The following C9orf72 variants were observed in gnomAD, a reference collection of about 807,000 sequenced individuals.
C9orf72 encodes C9orf72-SMCR8 complex subunit, also known as guanine nucleotide exchange factor C9orf72.
C9orf72 carries 44 observed loss-of-function variants against 51.6 expected under a neutral mutation model. The observed-to-expected ratio is 0.85, with a 90% CI of 0.67 to 1.10. The LOEUF (loss-of-function observed/expected upper bound fraction) is 1.10. Ranked by LOEUF, C9orf72 falls within the 50% of genes least tolerant of loss-of-function variation. The pLI, the probability that C9orf72 is intolerant of heterozygous loss-of-function variation, is 0.00. For missense variants in C9orf72, 607 were observed against 570.6 expected (o/e 1.06, Z -0.65); for synonymous variants, 213 against 194.2 (o/e 1.10, Z -0.81).
chr9:27,554,503 G>A (rs1820971165), intron 8 of C9orf72: 1 of 397,940 alleles, frequency 2.5e-6, no homozygotes. Flanking sequence ...GGAGAAGGGT[G>A]AGGATCAAAA....
At chr9:27,569,557 C>G (rs1416051130) in intron 1 of C9orf72, among the ~76,000 whole-genome samples, 1 of 152,160 alleles carries the variant, frequency 6.6e-6, no homozygotes, top group Non-Finnish European at 1.5e-5. Context: ...GGCCTAGGAG[C>G]AACAGACTAT....
intron 3 of C9orf72, among the ~76,000 whole-genome samples, chr9:27,564,446 C>A (rs925916181): frequency 2.6e-5 from 4 of 152,134 alleles, no homozygotes; most frequent in African/African-American, 9.7e-5. Context: ...CTACTAATAA[C>A]TAGTGGGTTA....
chr9:27,546,892 G>A lies in C9orf72; in HGVS notation c.*1344C>T, dbSNP rs13691. On this transcript the variant is annotated 3_prime_UTR_variant, in exon 11 of 11. Coordinates refer to ENST00000380003, the MANE Select transcript of C9orf72 (RefSeq NM_018325.5). ...CTTTCACATTCGAACATGTCATTTTGTTGTGTAAATTTGGTGGGTGGGGGG... is the reference window on the plus strand; with the variant it reads ...CTTTCACATTCGAACATGTCATTTTATTGTGTAAATTTGGTGGGTGGGGGG... 34,011 of 152,000 alleles carry A rather than the reference G, an allele frequency of 0.22. 4,677 individuals are homozygous for A. Among genetic ancestry groups the A allele is most frequent in the East Asian group, 0.48 (2,491 of 5,180 alleles). The allele number at this position is 152,000 out of a possible 1,614,324, so 9.4% of individuals were successfully genotyped here. A position where few individuals can be genotyped will look rare whatever the true frequency, so the allele number is the denominator to read the frequency against.
Position 27,546,641 on chromosome 9 carries a change from A to G in C9orf72, c.*1595T>C, listed in dbSNP as rs1316523642. The G allele has an allele frequency of 5.3e-5, 8 of 152,210 alleles. No homozygotes were observed. Among genetic ancestry groups the G allele is most frequent in the Non-Finnish European group, 1.0e-4 (7 of 68,020 alleles). The allele number at this position is 152,210 out of a possible 1,614,324, so 9.4% of individuals were successfully genotyped here. A position where few individuals can be genotyped will look rare whatever the true frequency, so the allele number is the denominator to read the frequency against. ...CTTTAATAACTTATTTCACTGTACA[A>G]CTTACATTCTGTATAACAGTACAAT... On this transcript the variant is annotated 3_prime_UTR_variant, in exon 11 of 11. Coordinates refer to ENST00000380003, the MANE Select transcript of C9orf72 (RefSeq NM_018325.5).
chr9:27,560,277 T>C lies in C9orf72; in HGVS notation c.688A>G (p.Thr230Ala), dbSNP rs1819306672. ...CCTACTACAACGGAACAGCCACAGG[T>C]TTGCAAGTGTGAGCTGATGGCACTG... ...LLNAISSHLQ[T>A]CGCSVVVGSS... Residue 230 changes from threonine to alanine, a missense_variant, in exon 6 of 11, where the codon ACC becomes GCC. By Grantham distance (58) the Thr-to-Ala change is moderately conservative. Coordinates refer to ENST00000380003, the MANE Select transcript of C9orf72 (RefSeq NM_018325.5). 1 of 1,610,310 alleles carries C rather than the reference T, an allele frequency of 6.2e-7. No homozygotes were observed. Among genetic ancestry groups the C allele is most frequent in the Non-Finnish European group, 8.5e-7 (1 of 1,177,966 alleles).
Position 27,562,332 on chromosome 9 carries a change from T to C in C9orf72, c.600+49A>G, listed in dbSNP as rs1587313804. 5.8e-6 allele frequency: 5 copies of C among 864,646 alleles called. No individual in the cohort carries two copies. In the East Asian group the frequency reaches 1.3e-4, roughly 23 times the overall value. 53.6% of individuals were successfully genotyped at this position (864,646 alleles called of 1,614,324 possible). A position where few individuals can be genotyped will look rare whatever the true frequency, so the allele number is the denominator to read the frequency against. ...ATTAATAATATACATAATAATACTA[T>C]AACCCCAAAAAACTCATAAAGTGTA... On this transcript the variant is annotated intron_variant, in intron 4 of 10. Transcript: ENST00000380003.
intron 9 of C9orf72, among the ~76,000 whole-genome samples, chr9:27,549,776 C>CA (rs35362390): frequency 0.25 from 34,063 of 136,542 alleles, 4,130 homozygotes; most frequent in Non-Finnish European, 0.28. Flanking sequence ...CTCCCTTTCT[C>CA]AAAAAAAAAA....
chr9:27,550,683 G>C lies in C9orf72; in HGVS notation c.1116C>G (p.His372Gln), dbSNP rs148034295. The C allele has an allele frequency of 3.2e-6, 5 of 1,586,192 alleles. No homozygotes were observed. Among genetic ancestry groups the C allele is most frequent in the Non-Finnish European group, 4.3e-6 (5 of 1,162,852 alleles). Residue 372 changes from histidine to glutamine, a missense_variant, in exon 9 of 11, where the codon CAC becomes CAG. Transcript: ENST00000380003. ...PDLNIFQDVL[H>Q]RDTLVKAFLD... is the part of the protein sequence containing the mutation. ...GGAAGGCTTTCACTAGAGTGTCTCTGTGTAAGACATCTTGAAAAATATTCC... is the reference window on the plus strand; with the variant it reads ...GGAAGGCTTTCACTAGAGTGTCTCTCTGTAAGACATCTTGAAAAATATTCC...
intron 6 of C9orf72, chr9:27,559,268 T>C (rs368418194): frequency 7.4e-6 from 1 of 135,376 alleles, no homozygotes; most frequent in Non-Finnish European, 1.6e-5. Flanking sequence ...GAAAAATGTT[T>C]AAAAAAAAAA....
chr9:27,556,844 G>A lies in C9orf72; in HGVS notation c.856-48C>T. On this transcript the variant is annotated intron_variant, in intron 7 of 10. Transcript: ENST00000380003. ...TACTGTCTTACATGCCAAACGATAT[G>A]AATAATTGTTTTTTAATTTTAAAAA... is the stretch of plus-strand genomic sequence containing the variant. 5 of 1,200,350 alleles carry A rather than the reference G, an allele frequency of 4.2e-6. 1 individual carries two copies. The South Asian group carries it at 6.4e-5, about 15-fold the overall frequency. 74.4% of individuals were successfully genotyped at this position (1,200,350 alleles called of 1,614,324 possible).
At chr9:27,572,409 C>G (rs1012154186) in intron 1 of C9orf72, among the ~76,000 whole-genome samples, 2 of 151,960 alleles carry the variant, frequency 1.3e-5, no homozygotes, top group Non-Finnish European at 2.9e-5. Flanking sequence ...GTGATATTCA[C>G]AGATTATGTT....
At chr9:27,569,644 A>C (rs950864569) in intron 1 of C9orf72, among the ~76,000 whole-genome samples, 3 of 152,216 alleles carry the variant, frequency 2.0e-5, no homozygotes, top group South Asian at 4.1e-4. Flanking sequence ...GCATAATGAC[A>C]AAATCGCCTA....
chr9:27,573,534 C>G (rs896560938), upstream of C9orf72: 4 of 150,416 alleles, frequency 2.7e-5, no homozygotes, highest in African/African-American at 9.7e-5. Flanking sequence ...GCCCCGGCCC[C>G]GGCCCCGGCC....
Position 27,548,435 on chromosome 9 carries a change from GAAAAAAAAAAAAAAAAAA to G in C9orf72, c.1260-31_1260-14del. ...TTTTCCCTTCTGCCTAAAAATAATG[GAAAAAAAAAAAAAAAAAA>G]AAAAAAAAGAAGCGCAAAAATTATG... On this transcript the variant is annotated splice_polypyrimidine_tract_variant and intron_variant, in intron 10 of 10. Coordinates refer to ENST00000380003, the MANE Select transcript of C9orf72 (RefSeq NM_018325.5). 1 of 174,270 alleles carries G rather than the reference GAAAAAAAAAAAAAAAAAA, an allele frequency of 5.7e-6. No homozygotes were observed. The highest frequency in any genetic ancestry group is 9.2e-6 in the Non-Finnish European group (1 of 109,054). 10.8% of individuals were successfully genotyped at this position (174,270 alleles called of 1,614,324 possible).
intron 3 of C9orf72, among the ~76,000 whole-genome samples, chr9:27,564,913 G>A (rs569459036): frequency 6.6e-6 from 1 of 152,070 alleles, no homozygotes; most frequent in Non-Finnish European, 1.5e-5. Flanking sequence ...TTCCGCAGGG[G>A]AAGCCACACC....
rs945045474 is a variant in C9orf72 at position 27,570,160 on chromosome 9, A to G, written c.-44-2996T>C. Among the ~76,000 whole-genome samples the G allele has an allele frequency of 2.7e-4, 41 of 152,344 alleles. 1 individual carries two copies. In the Middle Eastern group the frequency reaches 0.014, roughly 51 times the overall value. On this transcript the variant is annotated intron_variant, in intron 1 of 10. Coordinates refer to ENST00000380003, the MANE Select transcript of C9orf72 (RefSeq NM_018325.5). ...ATAGTCTTAAGAGACAGCACTAGAT[A>G]TAAGCCGTACAGCTTCTTTAAAATA...
chr9:27,548,073 C>A lies in C9orf72; in HGVS notation c.*163G>T. 4.4e-6 allele frequency: 2 copies of A among 455,668 alleles called. No individual in the cohort carries two copies. The highest frequency in any genetic ancestry group is 5.8e-4 in the Middle Eastern group (1 of 1,730). The allele number at this position is 455,668 out of a possible 1,614,324, so 28.2% of individuals were successfully genotyped here. A position where few individuals can be genotyped will look rare whatever the true frequency, so the allele number is the denominator to read the frequency against. On this transcript the variant is annotated 3_prime_UTR_variant, in exon 11 of 11. Transcript: ENST00000380003. ...ACACCCAATGTAATGATGCACCTGA[C>A]ATCCCCTCACAGGCTCTTGTGAGAA...
intron 1 of C9orf72, among the ~76,000 whole-genome samples, chr9:27,570,220 T>C (rs1055000381): frequency 1.3e-5 from 2 of 152,230 alleles, no homozygotes. Flanking sequence ...GCAGTCAGTT[T>C]ACAATGATCA....
intron 9 of C9orf72, among the ~76,000 whole-genome samples, chr9:27,550,197 C>G (rs1306123867): frequency 1.3e-5 from 2 of 150,046 alleles, no homozygotes; most frequent in African/African-American, 4.9e-5. Context: ...TATACACACA[C>G]AAACATATAT....
Sources: allele counts gnomAD v4.1 joint callset (sites outside exome capture counted in the v4.1 genomes callset), GRCh38; gene constraint gnomAD v4.1.1; transcripts MANE v1.5; gene names NCBI Gene and HGNC (gene_info 2026-07-23, HGNC 2026-07-21).